DHRSX: variants seen among roughly 807,000 people sequenced by gnomAD.
The protein encoded by DHRSX is polyprenol dehydrogenase.
In DHRSX, 31 loss-of-function variants were observed where a neutral mutation model predicts 34.0. The observed-to-expected ratio is 0.91, with a 90% CI of 0.69 to 1.23. The LOEUF is 1.23. DHRSX is among the 50% of genes most tolerant of loss of function. DHRSX has a pLI of 0.00. For synonymous variants in DHRSX, 201 were observed against 183.8 expected (o/e 1.09, Z -0.76); for missense variants, 414 against 428.1 (o/e 0.97, Z 0.29).
At chrX:2,414,959 C>T (rs1164202388) in intron 2 of DHRSX, among the ~76,000 whole-genome samples, 1 of 151,908 alleles carries the variant, frequency 6.6e-6, no homozygotes, top group Non-Finnish European at 1.5e-5. Flanking sequence ...CCAACTAGAC[C>T]TCATCATGAC....
At chrX:2,326,987 A>AT (rs1480476361) in intron 3 of DHRSX, among the ~76,000 whole-genome samples, 1 of 151,450 alleles carries the variant, frequency 6.6e-6, no homozygotes. Flanking sequence ...AATTTTTCGT[A>AT]TTTTTAGTAG....
At chrX:2,357,325 C>G (rs2042868087) in intron 3 of DHRSX, among the ~76,000 whole-genome samples, 1 of 151,388 alleles carries the variant, frequency 6.6e-6, no homozygotes, top group African/African-American at 2.4e-5. Context: ...TTTCAAGGGT[C>G]AATTGTAAAT....
At chrX:2,269,235 A>C (rs2041516530) in intron 4 of DHRSX, among the ~76,000 whole-genome samples, 1 of 152,198 alleles carries the variant, frequency 6.6e-6, no homozygotes, top group South Asian at 2.1e-4. Context: ...GCATTTGTAT[A>C]TATGCTTGTA....
chrX:2,343,638 C>G (rs2042666946), intron 3 of DHRSX, among the ~76,000 whole-genome samples: 1 of 152,218 alleles, frequency 6.6e-6, no homozygotes, highest in Non-Finnish European at 1.5e-5. Context: ...CCGCAAAAGG[C>G]TCTGCCCCAC....
chrX:2,295,713 G>A (rs909313679), intron 3 of DHRSX, among the ~76,000 whole-genome samples: 4 of 152,052 alleles, frequency 2.6e-5, no homozygotes, highest in Admixed American at 6.6e-5. Context: ...TTTGTTACAC[G>A]GCATGTGTAA....
chrX:2,440,422 G>A (rs1001695128), intron 1 of DHRSX, among the ~76,000 whole-genome samples: 19 of 151,880 alleles, frequency 1.3e-4, no homozygotes, highest in Non-Finnish European at 5.9e-5. Context: ...GGCTGGTTTC[G>A]AGCTCCTAGG....
intron 4 of DHRSX, among the ~76,000 whole-genome samples, chrX:2,286,227 C>T (rs1185493966): frequency 1.3e-5 from 2 of 152,218 alleles, no homozygotes; most frequent in Non-Finnish European, 2.9e-5. Context: ...GCCTCCAGCA[C>T]ACGGGCTTGT....
chrX:2,248,791 G>C (rs776104781), intron 5 of DHRSX, among the ~76,000 whole-genome samples: 1 of 152,144 alleles, frequency 6.6e-6, no homozygotes, highest in South Asian at 2.1e-4. Flanking sequence ...AGACAGGCCT[G>C]TCTGTTTCCC....
intron 1 of DHRSX, among the ~76,000 whole-genome samples, chrX:2,472,150 A>AAAAG (rs2044603054): frequency 6.6e-6 from 1 of 151,664 alleles, no homozygotes; most frequent in African/African-American, 2.4e-5. Flanking sequence ...TCTCAAAAAA[A>AAAAG]AAAAAAAAAT....
intron 5 of DHRSX, among the ~76,000 whole-genome samples, chrX:2,250,650 G>A (rs926346684): frequency 4.6e-5 from 7 of 152,038 alleles, no homozygotes; most frequent in Non-Finnish European, 1.0e-4. Flanking sequence ...TCTTGGTTTC[G>A]GTGGGATTTG....
chrX:2,235,107 G>C (rs1189897929), intron 6 of DHRSX, among the ~76,000 whole-genome samples: 1 of 152,194 alleles, frequency 6.6e-6, no homozygotes, highest in Non-Finnish European at 1.5e-5. Context: ...GAAATTGGAA[G>C]TTGTATTTTA....
chrX:2,423,891 G>A (rs2043811300), intron 2 of DHRSX, among the ~76,000 whole-genome samples: 1 of 152,174 alleles, frequency 6.6e-6, no homozygotes, highest in Non-Finnish European at 1.5e-5. Flanking sequence ...AAGAAGAGCA[G>A]AAATCAAACC....
intron 1 of DHRSX, among the ~76,000 whole-genome samples, chrX:2,470,063 C>A (rs1457800924): frequency 1.3e-5 from 2 of 151,516 alleles, no homozygotes; most frequent in Non-Finnish European, 2.9e-5. Context: ...GAATAGTATG[C>A]AGCCATGAAA....
intron 4 of DHRSX, among the ~76,000 whole-genome samples, chrX:2,274,646 G>C (rs2041600709): frequency 7.0e-6 from 1 of 143,680 alleles, no homozygotes; most frequent in Non-Finnish European, 1.5e-5. Flanking sequence ...GACCAGTCTG[G>C]TCTCGAACTC....
intron 3 of DHRSX, among the ~76,000 whole-genome samples, chrX:2,399,757 G>C (rs1225235516): frequency 6.7e-6 from 1 of 149,970 alleles, no homozygotes; most frequent in Non-Finnish European, 1.5e-5. Context: ...AAAACACAGG[G>C]GCTGAGCTTG....
intron 1 of DHRSX, among the ~76,000 whole-genome samples, chrX:2,496,847 T>C (rs1307889734): frequency 6.7e-6 from 1 of 149,264 alleles, no homozygotes; most frequent in Admixed American, 6.7e-5. Context: ...ATTTGTATTT[T>C]ATATTTATAG....
intron 3 of DHRSX, among the ~76,000 whole-genome samples, chrX:2,358,837 T>C (rs1201862133): frequency 6.6e-6 from 1 of 151,552 alleles, no homozygotes; most frequent in African/African-American, 2.4e-5. Context: ...AAACCAAAGC[T>C]ACTTGCGAGG....
At chrX:2,460,488 G>A (rs5982977) in intron 1 of DHRSX, among the ~76,000 whole-genome samples, 59,180 of 149,300 alleles carry the variant, frequency 0.4, 10,928 homozygotes, top group African/African-American at 0.48. Context: ...CATGATCGTA[G>A]CTTATGGCAG....
At chrX:2,436,821 T>TG (rs1172692922) in intron 1 of DHRSX, among the ~76,000 whole-genome samples, 1 of 151,842 alleles carries the variant, frequency 6.6e-6, no homozygotes, top group African/African-American at 2.4e-5. Context: ...TTTGTAGAGA[T>TG]GGGGTCTCAC....
Sources: gnomAD v4.1 joint callset for allele counts (sites outside exome capture counted in the v4.1 genomes callset) on GRCh38, gnomAD v4.1.1 for gene constraint, MANE v1.5 for transcripts, NCBI Gene and HGNC (gene_info 2026-07-23, HGNC 2026-07-21) for gene names.